Variants in ENOX1 observed in about 807,000 individuals in gnomAD.
The protein encoded by ENOX1 is candidate growth-related and time keeping constitutive hydroquinone (NADH) oxidase.
In ENOX1, 42 loss-of-function variants were observed where a neutral mutation model predicts 82.5. The observed-to-expected ratio is 0.51, with a 90% CI of 0.40 to 0.66. The LOEUF is 0.66. ENOX1 is among the 30% of genes least tolerant of loss of function. The pLI is 0.00. For synonymous variants in ENOX1, 271 were observed against 282.2 expected (o/e 0.96, Z 0.40); for missense variants, 608 against 811.6 (o/e 0.75, Z 3.05).
At chr13:43,484,204 G>C in intron 2 of ENOX1, 52 bp from the exon 3 acceptor site, 1 of 931,586 alleles carries the variant, frequency 1.1e-6, no homozygotes, top group Non-Finnish European at 1.3e-6. Flanking sequence ...TACCATTACT[G>C]CCTGTAATGG....
chr13:43,728,344 G>C (rs1378806750), intron 1 of ENOX1, among the ~76,000 whole-genome samples: 3 of 152,180 alleles, frequency 2.0e-5, no homozygotes, highest in Non-Finnish European at 4.4e-5. Context: ...AGCAGCACTT[G>C]TCAGTTAAAG....
At chr13:43,320,969 T>C (rs1262197704) in intron 11 of ENOX1, 6 of 439,604 alleles carry the variant, frequency 1.4e-5, no homozygotes, top group Non-Finnish European at 2.7e-5. Flanking sequence ...AGTAAAGCAG[T>C]CCTGAGGAAT....
intron 3 of ENOX1, among the ~76,000 whole-genome samples, chr13:43,436,594 T>C (rs998888933): frequency 6.6e-6 from 1 of 152,164 alleles, no homozygotes; most frequent in African/African-American, 2.4e-5. Flanking sequence ...AAGAGTTATA[T>C]AACAGCCTTG....
intron 14 of ENOX1, among the ~76,000 whole-genome samples, chr13:43,250,626 C>A (rs1012175663): frequency 6.6e-6 from 1 of 152,136 alleles, no homozygotes; most frequent in Non-Finnish European, 1.5e-5. Flanking sequence ...AGTATCTGTA[C>A]ACCTCAGTTC....
At chr13:43,573,337 C>G (rs992388749) in intron 2 of ENOX1, among the ~76,000 whole-genome samples, 1 of 152,102 alleles carries the variant, frequency 6.6e-6, no homozygotes, top group African/African-American at 2.4e-5. Context: ...AAATTAGAAC[C>G]CACATGCCCT....
At position 43,719,302 on chromosome 13, in the gene ENOX1, T is replaced by TACACACACACACACACAC. The variant is rs3024232; in HGVS notation, c.-284-51776_-284-51759dup. Among the ~76,000 whole-genome samples the TACACACACACACACACAC allele has an allele frequency of 5.7e-3, 725 of 126,760 alleles. 14 individuals carry two copies. The highest frequency in any genetic ancestry group is 0.011 in the African/African-American group (382 of 34,422). The allele number at this position is 126,760 out of a possible 152,430, so 83.2% of individuals were successfully genotyped here. Reference sequence around the variant, plus strand: ...AGTACTCCATATATATTCATTCAAATACACACACACACACACACACACACA... The same window carrying TACACACACACACACACAC: ...AGTACTCCATATATATTCATTCAAATACACACACACACACACACACACACACACACACACACACACACA... On this transcript the variant is annotated intron_variant, in intron 1 of 16. Coordinates refer to ENST00000690772, the MANE Select transcript of ENOX1 (RefSeq NM_001347969.2).
At chr13:43,454,592 A>G (rs73180437) in intron 3 of ENOX1, among the ~76,000 whole-genome samples, 6,822 of 152,252 alleles carry the variant, frequency 0.045, 205 homozygotes, top group Non-Finnish European at 0.069. Flanking sequence ...ACACGCTCCC[A>G]AGTTTTCTTT....
chr13:43,354,432 G>A (rs546981770), intron 8 of ENOX1, among the ~76,000 whole-genome samples: 2 of 152,010 alleles, frequency 1.3e-5, no homozygotes, highest in African/African-American at 4.8e-5. Flanking sequence ...CCCTGGATGG[G>A]GGATGAAGAT....
chr13:43,225,873 A>G (rs917904728), intron 15 of ENOX1, among the ~76,000 whole-genome samples: 5 of 152,180 alleles, frequency 3.3e-5, no homozygotes, highest in African/African-American at 1.2e-4. Context: ...TCAGTTTTTA[A>G]AGACTGACCT....
intron 5 of ENOX1, among the ~76,000 whole-genome samples, chr13:43,376,959 A>AGCTACCTT (rs1025911311): frequency 6.6e-6 from 1 of 152,124 alleles, no homozygotes; most frequent in Non-Finnish European, 1.5e-5. Context: ...CATGCACTCC[A>AGCTACCTT]GCTACCTCTT....
At chr13:43,391,310 T>G (rs12100332) in intron 5 of ENOX1, among the ~76,000 whole-genome samples, 7,704 of 152,230 alleles carry the variant, frequency 0.051, 557 homozygotes, top group African/African-American at 0.16. Flanking sequence ...CTGGAAGTTT[T>G]CAAAGCCTAC....
chr13:43,277,853 G>A (rs968209429), intron 12 of ENOX1, among the ~76,000 whole-genome samples: 1 of 152,122 alleles, frequency 6.6e-6, no homozygotes, highest in African/African-American at 2.4e-5. Flanking sequence ...TCCAAAGGGA[G>A]GAGTGAGTTT....
chr13:43,673,533 C>T (rs1169337145), intron 1 of ENOX1, among the ~76,000 whole-genome samples: 1 of 152,230 alleles, frequency 6.6e-6, no homozygotes, highest in Non-Finnish European at 1.5e-5. Flanking sequence ...AACATTAACT[C>T]AGCTTCACTT....
Position 43,506,536 on chromosome 13 carries a change from C to A in ENOX1, c.-218-22384G>T, listed in dbSNP as rs1223499016. On this transcript the variant is annotated intron_variant, in intron 2 of 16. Coordinates refer to ENST00000690772, the MANE Select transcript of ENOX1 (RefSeq NM_001347969.2). Reference sequence around the variant, plus strand: ...ATGCTGCTATAAAGACACATGCACACATATGTTTATTGTGGCACTATTCAC... The same window carrying A: ...ATGCTGCTATAAAGACACATGCACAAATATGTTTATTGTGGCACTATTCAC... 2.2e-5 allele frequency among the ~76,000 whole-genome samples: 3 copies of A among 136,900 alleles called. 1 individual carries two copies. The Admixed American group carries it at 2.2e-4, about 10-fold the overall frequency. The allele number at this position is 136,900 out of a possible 152,430, so 89.8% of individuals were successfully genotyped here. A position where few individuals can be genotyped will look rare whatever the true frequency, so the allele number is the denominator to read the frequency against.
chr13:43,308,767 G>C (rs2047014361), intron 11 of ENOX1, among the ~76,000 whole-genome samples: 1 of 152,190 alleles, frequency 6.6e-6, no homozygotes, highest in South Asian at 2.1e-4. Flanking sequence ...TGCAGACGGG[G>C]CTGTGAACCA....
intron 8 of ENOX1, among the ~76,000 whole-genome samples, chr13:43,349,223 G>A (rs909214711): frequency 6.6e-6 from 1 of 152,126 alleles, no homozygotes; most frequent in Non-Finnish European, 1.5e-5. Flanking sequence ...GAATGATCCC[G>A]TTATACTTCA....
At chr13:43,326,606 G>A in intron 9 of ENOX1, 81 bp from the exon 10 acceptor site, 1 of 1,060,526 alleles carries the variant, frequency 9.4e-7, no homozygotes, top group South Asian at 1.3e-5. Context: ...GACACTAGGA[G>A]TCTATGGATG....
chr13:43,632,237 AT>A (rs574838147), intron 2 of ENOX1, among the ~76,000 whole-genome samples: 6 of 151,180 alleles, frequency 4.0e-5, no homozygotes, highest in Non-Finnish European at 7.4e-5. Flanking sequence ...TAGATGGTGA[AT>A]TTTTTTTTAC....
intron 3 of ENOX1, among the ~76,000 whole-genome samples, chr13:43,470,259 TAC>T (rs1566305043): frequency 8.3e-5 from 5 of 60,176 alleles, no homozygotes; most frequent in South Asian, 4.7e-4. Context: ...CATATATATA[TAC>T]ATATATATAC....
Sources: gnomAD v4.1 joint callset for allele counts (sites outside exome capture counted in the v4.1 genomes callset) on GRCh38, gnomAD v4.1.1 for gene constraint, MANE v1.5 for transcripts, NCBI Gene and HGNC (gene_info 2026-07-23, HGNC 2026-07-21) for gene names.